The following SOX6 variants were observed in gnomAD, a reference collection of about 807,000 sequenced individuals.
SOX6 encodes the protein transcription factor SOX-6.
In SOX6, 11 loss-of-function variants were observed where a neutral mutation model predicts 97.8. The observed-to-expected ratio is 0.11, with a 90% CI of 0.07 to 0.19. SOX6 has a LOEUF of 0.19. Among genes scored for constraint, SOX6 ranks in the 10% least tolerant of loss-of-function variants. The pLI is 1.00. For missense variants in SOX6, 810 were observed against 1,039.5 expected (o/e 0.78, Z 3.04); for synonymous variants, 360 against 371.4 (o/e 0.97, Z 0.35).
At chr11:16,081,433 A>G (rs1460669538) in intron 9 of SOX6, among the ~76,000 whole-genome samples, 1 of 152,160 alleles carries the variant, frequency 6.6e-6, no homozygotes, top group Non-Finnish European at 1.5e-5. Flanking sequence ...AAAATCTTTA[A>G]GCATTCACAG....
chr11:16,362,648 A>G (rs1590159329), intron 1 of SOX6, among the ~76,000 whole-genome samples: 1 of 152,252 alleles, frequency 6.6e-6, no homozygotes, highest in East Asian at 1.9e-4. Flanking sequence ...GGGGAGCTAG[A>G]GTCTGGAAAA....
rs540680771 is a variant in SOX6 at position 16,605,187 on chromosome 11, C to A, written n.609+6894G>T. On this transcript the variant is annotated intron_variant and non_coding_transcript_variant, in intron 4 of 5. Transcript: ENST00000524520. This position sits in a 1 kb window ranked among gnomAD's most constrained non-coding sequence, Gnocchi z 5.3. ...CAGAGGAACGGCGGGTGGCGGGGCCCCGGCAGGGCGCCGAGAAGGACGGAG... is the reference window on the plus strand; with the variant it reads ...CAGAGGAACGGCGGGTGGCGGGGCCACGGCAGGGCGCCGAGAAGGACGGAG... Among the ~76,000 whole-genome samples the A allele has an allele frequency of 1.2e-4, 19 of 152,036 alleles. No homozygotes were observed. Among genetic ancestry groups the A allele is most frequent in the African/African-American group, 4.6e-4 (19 of 41,524 alleles).
At chr11:16,528,795 T>A (rs183668417) in intron 4 of SOX6, among the ~76,000 whole-genome samples, 1 of 152,232 alleles carries the variant, frequency 6.6e-6, no homozygotes, top group Admixed American at 6.6e-5. Flanking sequence ...AAAAATAGCT[T>A]GCCTCAGGGG....
chr11:15,972,914 C>G lies in SOX6; in HGVS notation c.2382G>C (p.Met794Ile), dbSNP rs34449532. The G allele has an allele frequency of 1.7e-5, 27 of 1,614,096 alleles. No individual in the cohort carries two copies. The African/African-American group carries it at 3.6e-4, about 22-fold the overall frequency. ...TDGGSLAGNE[M>I]INGEDEMEMY... Reference sequence around the variant, plus strand: ...TTTCCATTTCATCCTCTCCATTGATCATTTCATTTCCAGCTAGGCTTCCGC... The same window carrying G: ...TTTCCATTTCATCCTCTCCATTGATGATTTCATTTCCAGCTAGGCTTCCGC... Residue 794 changes from methionine to isoleucine, a missense_variant, in exon 16 of 16, where the codon ATG becomes ATC. Around this residue, in one of 9 missense-constraint regions of SOX6, gnomAD observed 122 missense variants for 153.4 expected, o/e 0.80. Transcript: ENST00000683767.
At chr11:16,233,381 A>G (rs1011845279) in intron 4 of SOX6, among the ~76,000 whole-genome samples, 1 of 152,242 alleles carries the variant, frequency 6.6e-6, no homozygotes, top group Non-Finnish European at 1.5e-5. Flanking sequence ...GGCAAAAAGT[A>G]TAACTCTCAA....
intron 3 of SOX6, among the ~76,000 whole-genome samples, chr11:16,302,052 A>C (rs1469748820): frequency 1.3e-5 from 2 of 152,074 alleles, no homozygotes; most frequent in Non-Finnish European, 2.9e-5. Flanking sequence ...ACTATACCTC[A>C]AACAGCTGAT....
Position 16,300,534 on chromosome 11 carries a change from T to G in SOX6, c.445+17912A>C, listed in dbSNP as rs537147441. 1.3e-5 allele frequency among the ~76,000 whole-genome samples: 2 copies of G among 152,308 alleles called. No individual in the cohort carries two copies. The highest frequency in any genetic ancestry group is 2.9e-5 in the Non-Finnish European group (2 of 68,020). On this transcript the variant is annotated intron_variant, in intron 3 of 15. Transcript: ENST00000683767. This position sits in a 1 kb window ranked among gnomAD's most constrained non-coding sequence, Gnocchi z 4.1. Reference sequence around the variant, plus strand: ...TACAGCTGCCCCACTCTAATAGTGCTTTTACAAGTGAGGTGACTATTCAGT... The same window carrying G: ...TACAGCTGCCCCACTCTAATAGTGCGTTTACAAGTGAGGTGACTATTCAGT...
chr11:16,505,604 T>A (rs1371949483), intron 4 of SOX6, among the ~76,000 whole-genome samples: 1 of 152,176 alleles, frequency 6.6e-6, no homozygotes. Flanking sequence ...AGGATCTGAA[T>A]GTTAACAGCC....
chr11:16,717,655 G>T (rs908434570), intron 2 of SOX6, among the ~76,000 whole-genome samples: 1 of 152,062 alleles, frequency 6.6e-6, no homozygotes, highest in Non-Finnish European at 1.5e-5. Context: ...ATTAAAAACA[G>T]AACAGTCTCA....
intron 3 of SOX6, among the ~76,000 whole-genome samples, chr11:16,658,085 A>G (rs1014588231): frequency 1.3e-5 from 2 of 152,194 alleles, no homozygotes; most frequent in Non-Finnish European, 2.9e-5. Context: ...ACATTTTTCC[A>G]ATGTGGCTAT....
intron 1 of SOX6, among the ~76,000 whole-genome samples, chr11:16,367,056 T>G (rs1857377514): frequency 6.6e-6 from 1 of 152,190 alleles, no homozygotes; most frequent in Non-Finnish European, 1.5e-5. Context: ...TCATCCAAAG[T>G]GAAGTTTATT....
At chr11:16,223,537 G>A (rs1429977946) in intron 4 of SOX6, among the ~76,000 whole-genome samples, 1 of 152,114 alleles carries the variant, frequency 6.6e-6, no homozygotes, top group African/African-American at 2.4e-5. Flanking sequence ...ATGTATGGAT[G>A]TATAGATGTA....
chr11:16,541,649 C>T (rs1055655635), intron 4 of SOX6, among the ~76,000 whole-genome samples: 1 of 152,086 alleles, frequency 6.6e-6, no homozygotes, highest in Non-Finnish European at 1.5e-5. Context: ...AAAAAGTGGG[C>T]AAAGGATATG....
At chr11:16,222,206 G>A (rs1223324670) in intron 4 of SOX6, among the ~76,000 whole-genome samples, 2 of 151,986 alleles carry the variant, frequency 1.3e-5, no homozygotes, top group Non-Finnish European at 2.9e-5. Context: ...TCACTAATTT[G>A]TTTTTGTTTA....
chr11:16,477,000 C>T (rs1452670117), upstream of SOX6, among the ~76,000 whole-genome samples: 1 of 152,184 alleles, frequency 6.6e-6, no homozygotes, highest in African/African-American at 2.4e-5. Flanking sequence ...AAATTTTTAA[C>T]ATACAAAGAG....
chr11:16,204,562 AAAAG>A (rs975274002), intron 4 of SOX6, among the ~76,000 whole-genome samples: 3 of 123,432 alleles, frequency 2.4e-5, no homozygotes, highest in African/African-American at 9.0e-5. Context: ...TTAAGAAAGA[AAAAG>A]AAAGAAAGAA....
intron 4 of SOX6, among the ~76,000 whole-genome samples, chr11:16,544,776 G>A (rs777823639): frequency 2.6e-5 from 4 of 151,322 alleles, no homozygotes; most frequent in East Asian, 1.9e-4. Flanking sequence ...CCCATGACAC[G>A]GAGAAAAATC....
intron 3 of SOX6, among the ~76,000 whole-genome samples, chr11:16,687,608 T>C (rs1847979324): frequency 6.6e-6 from 1 of 152,192 alleles, no homozygotes; most frequent in South Asian, 2.1e-4. Flanking sequence ...TTTATGTGCA[T>C]AAAAAGTCTT....
chr11:16,660,386 C>T (rs1276452237), intron 3 of SOX6, among the ~76,000 whole-genome samples: 1 of 152,096 alleles, frequency 6.6e-6, no homozygotes, highest in Non-Finnish European at 1.5e-5. Flanking sequence ...TGTTTCATCT[C>T]CAAACATTTT....
Sources: gnomAD v4.1 joint callset for allele counts (sites outside exome capture counted in the v4.1 genomes callset) on GRCh38, gnomAD v4.1.1 for gene constraint, gnomAD v4.1.1 regional missense constraint, Gnocchi (gnomAD v3.1) non-coding constraint, MANE v1.5 for transcripts, NCBI Gene and HGNC (gene_info 2026-07-23, HGNC 2026-07-21) for gene names.